The following LOXHD1 variants were observed in gnomAD, a reference collection of about 807,000 sequenced individuals.
LOXHD1 encodes lipoxygenase homology domain-containing protein 1.
LOXHD1 carries 205 observed loss-of-function variants against 248.2 expected under a neutral mutation model. The observed-to-expected ratio is 0.83, with a 90% CI of 0.74 to 0.93. The LOEUF is 0.93. LOXHD1 is among the 40% of genes least tolerant of loss of function. The probability of loss-of-function intolerance (pLI) is 0.00; values close to 1 mark genes in which losing one functional copy is unlikely to be tolerated. For missense variants in LOXHD1, 2,930 were observed against 2,971.6 expected, an observed-to-expected ratio of 0.99 and a Z score of 0.33; for synonymous variants, 1,113 against 1,162.8, an observed-to-expected ratio of 0.96 and a Z score of 0.87.
At chr18:46,524,681 A>C (rs1436039528) in intron 30 of LOXHD1, 27 bp downstream of exon 30, 1 of 1,551,432 alleles carries the variant, frequency 6.4e-7, no homozygotes, top group African/African-American at 1.4e-5. Context: ...GAGGATGGCC[A>C]CAGGCCCTAT....
At position 46,522,148 on chromosome 18, in the gene LOXHD1, C is replaced by T. The variant is rs2035607869; in HGVS notation, c.5038G>A (p.Glu1680Lys). 6.4e-7 allele frequency: 1 copy of T among 1,551,482 alleles called. No individual in the cohort carries two copies. Among genetic ancestry groups the T allele is most frequent in the African/African-American group, 1.4e-5 (1 of 73,024 alleles). Residue 1680 changes from glutamate to lysine, a missense_variant, in exon 32 of 41, where the codon GAG (glutamate) becomes AAG (lysine). Glu to Lys is a moderately conservative substitution (Grantham distance 56). Transcript: ENST00000642948. Reference protein sequence around the residue: ...KRGFSRGSVEEFYVAGLDVGI... With the variant: ...KRGFSRGSVEKFYVAGLDVGI... ...ACATCCAAGCCTGCGACGTAGAACTCCTCCACAGAGCCACGGCTGAAGCCC... is the reference window on the plus strand; with the variant it reads ...ACATCCAAGCCTGCGACGTAGAACTTCTCCACAGAGCCACGGCTGAAGCCC...
chr18:46,596,855 T>C (rs952206650), intron 8 of LOXHD1, among the ~76,000 whole-genome samples: 4 of 152,190 alleles, frequency 2.6e-5, no homozygotes, highest in African/African-American at 9.6e-5. Flanking sequence ...ACCGTAAAAT[T>C]ATTTTTCAAG....
chr18:46,602,962 C>G (rs188287173), intron 7 of LOXHD1, among the ~76,000 whole-genome samples: 20 of 152,030 alleles, frequency 1.3e-4, no homozygotes, highest in African/African-American at 4.8e-4. Flanking sequence ...TAATTCTATT[C>G]GAGTATGTTT....
intron 34 of LOXHD1, among the ~76,000 whole-genome samples, chr18:46,511,868 T>G (rs1242752407): frequency 1.3e-5 from 2 of 152,190 alleles, no homozygotes; most frequent in Admixed American, 1.3e-4. Flanking sequence ...CTCCTTCCAG[T>G]CTGAAGTTCT....
At chr18:46,557,316 C>T in intron 21 of LOXHD1, 40 bp downstream of exon 21, 1 of 1,551,972 alleles carries the variant, frequency 6.4e-7, no homozygotes, top group Non-Finnish European at 8.7e-7. Context: ...TGGCCTCCCT[C>T]AGAGCAACAC....
At chr18:46,484,216 C>A (rs950258187) in intron 39 of LOXHD1, among the ~76,000 whole-genome samples, 2 of 152,018 alleles carry the variant, frequency 1.3e-5, no homozygotes, top group Non-Finnish European at 2.9e-5. Context: ...AAGTGCCAGT[C>A]TAAGGTGTCC....
Position 46,538,228 on chromosome 18 carries a change from C to G in LOXHD1, c.4023G>C (p.Lys1341Asn). 1.3e-6 allele frequency: 2 copies of G among 1,550,414 alleles called. No individual in the cohort carries two copies. Among genetic ancestry groups the G allele is most frequent in the Non-Finnish European group, 1.7e-6 (2 of 1,145,848 alleles). Residue 1341 changes from lysine (K) to asparagine (N), a missense_variant, in exon 26 of 41, where the codon AAG becomes AAC. By Grantham distance (94) the Lys-to-Asn change is moderately conservative. Transcript: ENST00000642948. ...GTTCCCTCTTGTTGGTACACAGATA[C>G]TTCTGCTGGGTGCACACGGCATCGC... ...YGCDAVCTQQ[K>N]YLCTNKREQK...
chr18:46,599,134 T>C (rs2038299888), intron 8 of LOXHD1, among the ~76,000 whole-genome samples: 1 of 152,176 alleles, frequency 6.6e-6, no homozygotes. Context: ...GGCAAAGCCA[T>C]GCATTTTGTG....
rs985280908 is a variant in LOXHD1 at position 46,632,240 on chromosome 18, G to A, written c.511+7376C>T. Among the ~76,000 whole-genome samples, 3 of 152,302 alleles carry A rather than the reference G, an allele frequency of 2.0e-5. No homozygotes were observed. In the East Asian group the frequency reaches 5.8e-4, roughly 29 times the overall value. ...AGTCATATAGCTAGGAGGTGGTAGG[G>A]GTGGGATTTGAACCCAGGACTCCAT... is the stretch of plus-strand genomic sequence containing the variant. On this transcript the variant is annotated intron_variant, in intron 4 of 40. Coordinates refer to ENST00000642948, the MANE Select transcript of LOXHD1 (RefSeq NM_001384474.1).
At chr18:46,606,251 C>T (rs1271886106) in intron 6 of LOXHD1, among the ~76,000 whole-genome samples, 4 of 151,778 alleles carry the variant, frequency 2.6e-5, no homozygotes, top group Admixed American at 1.3e-4. Context: ...GAGAATGTAC[C>T]GTAAGAAATA....
intron 29 of LOXHD1, among the ~76,000 whole-genome samples, chr18:46,526,701 T>G (rs1330335367): frequency 6.6e-6 from 1 of 152,162 alleles, no homozygotes; most frequent in Non-Finnish European, 1.5e-5. Flanking sequence ...AAAGAGTGAC[T>G]GGTCAGTTTT....
intron 12 of LOXHD1, among the ~76,000 whole-genome samples, chr18:46,588,973 C>T (rs2038114019): frequency 6.6e-6 from 1 of 152,110 alleles, no homozygotes; most frequent in Non-Finnish European, 1.5e-5. Context: ...AAAGAAGGGG[C>T]AGCTTCACGG....
At chr18:46,603,420 T>C (rs531150242) in intron 7 of LOXHD1, among the ~76,000 whole-genome samples, 2 of 152,140 alleles carry the variant, frequency 1.3e-5, no homozygotes, top group East Asian at 3.9e-4. Context: ...AATGTGTACA[T>C]TATACTACAG....
At chr18:46,524,049 C>T (rs1432867479) in intron 31 of LOXHD1, among the ~76,000 whole-genome samples, 1 of 152,154 alleles carries the variant, frequency 6.6e-6, no homozygotes, top group Non-Finnish European at 1.5e-5. Context: ...AAACTGAAGC[C>T]AAGAGACTGG....
chr18:46,534,624 C>G (rs897944989), intron 26 of LOXHD1, among the ~76,000 whole-genome samples, 173 bp from the exon 27 acceptor site: 1 of 152,184 alleles, frequency 6.6e-6, no homozygotes, highest in Non-Finnish European at 1.5e-5. Flanking sequence ...ACACGCCATG[C>G]TTATGCCTCA....
In LOXHD1 at chr18:46,593,691, A is replaced by T; in HGVS notation, c.1340T>A (p.Ile447Asn). The T allele has an allele frequency of 1.3e-6, 2 of 1,552,256 alleles. No homozygotes were observed. Among genetic ancestry groups the T allele is most frequent in the Non-Finnish European group, 1.7e-6 (2 of 1,147,114 alleles). Residue 447 changes from isoleucine to asparagine, a missense_variant, in exon 10 of 41, where the codon ATC becomes AAC. Coordinates refer to ENST00000642948, the MANE Select transcript of LOXHD1 (RefSeq NM_001384474.1). ...KKAGTNSPIF[I>N]QIYGQKGRTD... is the part of the protein sequence containing the mutation. ...CCGCCCCTTCTGCCCATAAATCTGG[A>T]TGAAGATGGGAGAGTTGGTACCAGC...
chr18:46,651,649 A>G (rs2039113261), intron 1 of LOXHD1, among the ~76,000 whole-genome samples: 1 of 152,120 alleles, frequency 6.6e-6, no homozygotes, highest in Non-Finnish European at 1.5e-5. Flanking sequence ...GACACAAACC[A>G]TTAAAAAAAA....
intron 4 of LOXHD1, among the ~76,000 whole-genome samples, 190 bp downstream of exon 4, chr18:46,639,426 A>G (rs1415766995): frequency 2.0e-5 from 3 of 152,228 alleles, no homozygotes; most frequent in African/African-American, 7.2e-5. Context: ...CCTAGAGCAT[A>G]AAAAGTTGCC....
intron 4 of LOXHD1, among the ~76,000 whole-genome samples, chr18:46,634,580 T>A (rs1228157362): frequency 1.3e-5 from 2 of 152,154 alleles, no homozygotes; most frequent in Non-Finnish European, 2.9e-5. Context: ...ATGAAACAAA[T>A]GAATTTCATG....
Sources: gnomAD v4.1 joint callset for allele counts (sites outside exome capture counted in the v4.1 genomes callset) on GRCh38, gnomAD v4.1.1 for gene constraint, MANE v1.5 for transcripts, NCBI Gene and HGNC (gene_info 2026-07-23, HGNC 2026-07-21) for gene names.